Variants in RPS6KC1 observed in about 807,000 individuals in gnomAD.
RPS6KC1 encodes inactive ribosomal protein S6 kinase delta-1.
RPS6KC1 carries 54 observed loss-of-function variants against 103.8 expected under a neutral mutation model. The observed-to-expected ratio is 0.52, with a 90% confidence interval of 0.42 to 0.65. The LOEUF is 0.65. RPS6KC1 is among the 30% of genes least tolerant of loss of function. The pLI, the probability that RPS6KC1 is intolerant of heterozygous loss-of-function variation, is 0.00. For synonymous variants in RPS6KC1, 439 were observed against 438.7 expected (o/e 1.00, Z -0.01); for missense variants, 1,151 against 1,253.8 (o/e 0.92, Z 1.24).
the RPS6KC1 span, among the ~76,000 whole-genome samples, chr1:213,680,449 G>A: frequency 6.6e-6 from 1 of 152,254 alleles, no homozygotes; most frequent in South Asian, 2.1e-4. Context: ...GGTGAGCTGA[G>A]GGGCCCCTGA....
chr1:213,416,027 G>A, the RPS6KC1 span, among the ~76,000 whole-genome samples: 2 of 152,234 alleles, frequency 1.3e-5, no homozygotes, highest in Non-Finnish European at 2.9e-5. Flanking sequence ...ACCAAGAGCT[G>A]ATTCCTCATG....
the RPS6KC1 span, among the ~76,000 whole-genome samples, chr1:213,583,166 T>C: frequency 2.6e-5 from 4 of 152,226 alleles, no homozygotes; most frequent in East Asian, 5.8e-4. Context: ...CACCTGCTGA[T>C]GGACTTTGGG....
chr1:213,245,504 T>G (rs1283484881), intron 12 of RPS6KC1, among the ~76,000 whole-genome samples: 1 of 152,170 alleles, frequency 6.6e-6, no homozygotes, highest in African/African-American at 2.4e-5. Context: ...CACTTCTGTT[T>G]AAACAGTGTG....
chr1:213,701,394 G>A, the RPS6KC1 span, among the ~76,000 whole-genome samples: 3 of 151,956 alleles, frequency 2.0e-5, no homozygotes, highest in South Asian at 2.1e-4. Context: ...TGCATCCCAC[G>A]AATAAATCCC....
the RPS6KC1 span, among the ~76,000 whole-genome samples, chr1:213,601,596 T>C: frequency 6.6e-6 from 1 of 151,984 alleles, no homozygotes; most frequent in Non-Finnish European, 1.5e-5. Context: ...GCTGTGGGTC[T>C]GTTGGCTGGC....
At chr1:213,418,100 T>A in the RPS6KC1 span, among the ~76,000 whole-genome samples, 1 of 151,976 alleles carries the variant, frequency 6.6e-6, no homozygotes, top group African/African-American at 2.4e-5. Flanking sequence ...AGCACGAGGG[T>A]GATGCTGAGA....
chr1:213,613,195 G>A, the RPS6KC1 span, among the ~76,000 whole-genome samples: 1 of 152,194 alleles, frequency 6.6e-6, no homozygotes, highest in Non-Finnish European at 1.5e-5. Flanking sequence ...TGAGTTAGAG[G>A]AATTGGTGGC....
chr1:213,400,968 A>G, the RPS6KC1 span, among the ~76,000 whole-genome samples: 1 of 152,126 alleles, frequency 6.6e-6, no homozygotes, highest in East Asian at 1.9e-4. Flanking sequence ...TGGCCTCCCA[A>G]AGTGCTGGGA....
chr1:213,803,000 A>G, the RPS6KC1 span, among the ~76,000 whole-genome samples: 9 of 152,218 alleles, frequency 5.9e-5, no homozygotes, highest in Non-Finnish European at 1.2e-4. Flanking sequence ...GCAACCTAAC[A>G]GAAACTCTGC....
chr1:213,623,811 G>T, the RPS6KC1 span, among the ~76,000 whole-genome samples: 1 of 152,202 alleles, frequency 6.6e-6, no homozygotes, highest in Non-Finnish European at 1.5e-5. Flanking sequence ...GGCAAAGACT[G>T]CTAGCAACAC....
the RPS6KC1 span, among the ~76,000 whole-genome samples, chr1:213,828,616 C>T: frequency 5.3e-5 from 8 of 152,204 alleles, no homozygotes; most frequent in East Asian, 1.9e-4. Flanking sequence ...TTCCTGGCTA[C>T]GTGGCATTGG....
the RPS6KC1 span, among the ~76,000 whole-genome samples, chr1:213,360,141 C>A: frequency 6.6e-6 from 1 of 152,182 alleles, no homozygotes; most frequent in Non-Finnish European, 1.5e-5. Flanking sequence ...GTATAATATC[C>A]CGCAGAGTGT....
At chr1:213,670,623 G>A in the RPS6KC1 span, among the ~76,000 whole-genome samples, 2 of 151,956 alleles carry the variant, frequency 1.3e-5, no homozygotes, top group Admixed American at 1.3e-4. Context: ...CCCTCCCCCA[G>A]GCCAGGATAG....
chr1:213,504,480 C>T, the RPS6KC1 span, among the ~76,000 whole-genome samples: 1 of 152,142 alleles, frequency 6.6e-6, no homozygotes, highest in African/African-American at 2.4e-5. Flanking sequence ...GGCTTTACTT[C>T]ACTTTTGGCT....
At chr1:213,221,734 C>T (rs551942500) in intron 8 of RPS6KC1, among the ~76,000 whole-genome samples, 34 of 152,156 alleles carry the variant, frequency 2.2e-4, no homozygotes, top group Non-Finnish European at 4.1e-4. Flanking sequence ...GTTCTTTTTC[C>T]TCTGTTTCTA....
the RPS6KC1 span, among the ~76,000 whole-genome samples, chr1:213,685,292 G>T: frequency 6.6e-6 from 1 of 152,158 alleles, no homozygotes; most frequent in Non-Finnish European, 1.5e-5. Flanking sequence ...GTCTTGAATG[G>T]ATAACTTTAA....
At chr1:213,566,366 G>A in the RPS6KC1 span, among the ~76,000 whole-genome samples, 5 of 143,972 alleles carry the variant, frequency 3.5e-5, no homozygotes, top group African/African-American at 1.3e-4. Context: ...CATGTATTTA[G>A]GTTGACTTTT....
chr1:213,454,147 T>TGGG, the RPS6KC1 span, among the ~76,000 whole-genome samples: 34 of 150,594 alleles, frequency 2.3e-4, no homozygotes, highest in African/African-American at 7.8e-4. Flanking sequence ...TTTGACCACA[T>TGGG]GGGGGGGGTC....
chr1:213,431,435 A>C, the RPS6KC1 span, among the ~76,000 whole-genome samples: 1 of 152,120 alleles, frequency 6.6e-6, no homozygotes, highest in Non-Finnish European at 1.5e-5. Context: ...GGCTGCTCAC[A>C]ACACTCCCTC....
Sources: gnomAD v4.1 joint callset for allele counts (sites outside exome capture counted in the v4.1 genomes callset) on GRCh38, gnomAD v4.1.1 for gene constraint, MANE v1.5 for transcripts, NCBI Gene and HGNC (gene_info 2026-07-23, HGNC 2026-07-21) for gene names.